Variants in ERC1 observed in about 807,000 individuals in gnomAD.
ERC1 encodes the protein RAB6 interacting protein 2.
A neutral mutation model predicts 132.0 loss-of-function variants in ERC1; 56 were observed. The ratio of observed to expected loss-of-function variants is 0.42; its 90% CI spans 0.34 to 0.53. ERC1 has a LOEUF of 0.53. ERC1 is among the 20% of genes least tolerant of loss of function. The pLI is 0.03. For synonymous variants in ERC1, 478 were observed against 476.1 expected (o/e 1.00, Z -0.05); for missense variants, 1,202 against 1,349.9 (o/e 0.89, Z 1.72).
At chr12:1,012,044 A>G (rs1321551435) in intron 1 of ERC1, among the ~76,000 whole-genome samples, 1 of 152,208 alleles carries the variant, frequency 6.6e-6, no homozygotes, top group Non-Finnish European at 1.5e-5. Flanking sequence ...ATGTTAAGTC[A>G]TAAAGATTTC....
At chr12:1,208,342 A>T (rs1957529590) in intron 12 of ERC1, among the ~76,000 whole-genome samples, 1 of 121,444 alleles carries the variant, frequency 8.2e-6, no homozygotes, top group Non-Finnish European at 1.7e-5. Flanking sequence ...TTAAAACATT[A>T]TCAGCTTTTT....
At chr12:1,247,333 G>A (rs1055913264) in intron 13 of ERC1, among the ~76,000 whole-genome samples, 1 of 152,186 alleles carries the variant, frequency 6.6e-6, no homozygotes, top group South Asian at 2.1e-4. Context: ...TTGGTAAATA[G>A]CATTGTACCA....
intron 1 of ERC1, among the ~76,000 whole-genome samples, chr12:1,018,980 A>G (rs899961542): frequency 3.3e-5 from 5 of 152,230 alleles, no homozygotes; most frequent in African/African-American, 1.2e-4. Flanking sequence ...CATGGAAACC[A>G]GAGACAGCTT....
chr12:1,413,397 C>T (rs746328581), intron 17 of ERC1, among the ~76,000 whole-genome samples: 2 of 152,170 alleles, frequency 1.3e-5, no homozygotes, highest in Non-Finnish European at 2.9e-5. Context: ...AGTTTGAGAC[C>T]AGGCTGGCCA....
At chr12:1,158,110 GTTACT>G (rs1296591322) in intron 8 of ERC1, among the ~76,000 whole-genome samples, 3 of 152,140 alleles carry the variant, frequency 2.0e-5, no homozygotes, top group Non-Finnish European at 4.4e-5. Flanking sequence ...GTGATTATCT[GTTACT>G]TTAAACAATA....
intron 12 of ERC1, among the ~76,000 whole-genome samples, chr12:1,226,038 A>C: frequency 6.6e-6 from 1 of 152,262 alleles, no homozygotes; most frequent in East Asian, 1.9e-4. Flanking sequence ...GATTGTTAAA[A>C]TGAGAAATAA....
At chr12:1,194,408 G>A (rs760289431) in intron 12 of ERC1, among the ~76,000 whole-genome samples, 6 of 152,172 alleles carry the variant, frequency 3.9e-5, no homozygotes, top group Non-Finnish European at 8.8e-5. Flanking sequence ...GTGACAGAGC[G>A]AGACTCTGTC....
intron 7 of ERC1, among the ~76,000 whole-genome samples, chr12:1,127,458 AG>A (rs1948317671): frequency 6.6e-6 from 1 of 152,130 alleles, no homozygotes; most frequent in African/African-American, 2.4e-5. Context: ...AAAAGTCAAA[AG>A]CAGTGATGCA....
chr12:1,175,526 A>G (rs1164236844), intron 8 of ERC1, among the ~76,000 whole-genome samples: 1 of 148,204 alleles, frequency 6.7e-6, no homozygotes, highest in Non-Finnish European at 1.5e-5. Context: ...GCAGCTCCAC[A>G]TCTGTTCAAT....
rs190546329 is a variant in ERC1 at position 1,405,821 on chromosome 12, C to T, written c.2926-2328C>T. On this transcript the variant is annotated intron_variant, in intron 16 of 18. Coordinates refer to ENST00000360905, the MANE Select transcript of ERC1 (RefSeq NM_178040.4). Reference sequence around the variant, plus strand: ...ATCCCAACTCTCTGAGAAGCCAAGACGGGGGGATCACTTAAGGCCAGGAGT... The same window carrying T: ...ATCCCAACTCTCTGAGAAGCCAAGATGGGGGGATCACTTAAGGCCAGGAGT... Among the ~76,000 whole-genome samples the T allele has an allele frequency of 1.1e-3, 167 of 152,172 alleles. 1 individual carries two copies. Among genetic ancestry groups the T allele is most frequent in the Admixed American group, 9.7e-3 (148 of 15,264 alleles).
chr12:1,076,972 C>A (rs931379028), intron 2 of ERC1, among the ~76,000 whole-genome samples: 1 of 152,176 alleles, frequency 6.6e-6, no homozygotes, highest in Non-Finnish European at 1.5e-5. Context: ...ACGGGAACAT[C>A]AGATAGCCCA....
chr12:1,150,613 A>G lies in ERC1; in HGVS notation c.1737+8826A>G, dbSNP rs141866660. 2.2e-4 allele frequency among the ~76,000 whole-genome samples: 33 copies of G among 152,316 alleles called. 1 individual carries two copies. In the East Asian group the frequency reaches 6.0e-3, roughly 28 times the overall value. On this transcript the variant is annotated intron_variant, in intron 8 of 18. Coordinates refer to ENST00000360905, the MANE Select transcript of ERC1 (RefSeq NM_178040.4). Reference sequence around the variant, plus strand: ...AAAAATAATTGGGTCATTGTTAACAATGATAAGTCATTTTGACAGTATGTG... The same window carrying G: ...AAAAATAATTGGGTCATTGTTAACAGTGATAAGTCATTTTGACAGTATGTG...
At position 1,180,301 on chromosome 12, in the gene ERC1, G is replaced by A. The variant is rs777705501; in HGVS notation, c.1738-239G>A. Among the ~76,000 whole-genome samples, 16 of 143,610 alleles carry A rather than the reference G, an allele frequency of 1.1e-4. No homozygotes were observed. In the South Asian group the frequency reaches 1.5e-3, roughly 13 times the overall value. The allele number at this position is 143,610 out of a possible 152,430, so 94.2% of individuals were successfully genotyped here. A position where few individuals can be genotyped will look rare whatever the true frequency, so the allele number is the denominator to read the frequency against. On this transcript the variant is annotated intron_variant, in intron 8 of 18. Coordinates refer to ENST00000360905, the MANE Select transcript of ERC1 (RefSeq NM_178040.4). Reference sequence around the variant, plus strand: ...TGTGTGTGCGCGCACGCGTGTGCGCGCGCGCATACACATGTGTACTTTTTT... The same window carrying A: ...TGTGTGTGCGCGCACGCGTGTGCGCACGCGCATACACATGTGTACTTTTTT...
At position 1,121,741 on chromosome 12, in the gene ERC1, A is replaced by C. The variant is rs1381566811; in HGVS notation, c.1569+5708A>C. ...TATCTCTATCTCTATCTCTATCTCTATCTATCTCTATCTCTATCTCTATCT... is the reference window on the plus strand; with the variant it reads ...TATCTCTATCTCTATCTCTATCTCTCTCTATCTCTATCTCTATCTCTATCT... On this transcript the variant is annotated intron_variant, in intron 7 of 18. Coordinates refer to ENST00000360905, the MANE Select transcript of ERC1 (RefSeq NM_178040.4). 3.9e-3 allele frequency among the ~76,000 whole-genome samples: 20 copies of C among 5,188 alleles called. 5 individuals are homozygous for C. Among genetic ancestry groups the C allele is most frequent in the African/African-American group, 6.7e-3 (19 of 2,842 alleles). The allele number at this position is 5,188 out of a possible 152,430, so 3.4% of individuals were successfully genotyped here.
At chr12:1,304,858 C>T (rs1287467409) in intron 15 of ERC1, among the ~76,000 whole-genome samples, 2 of 127,542 alleles carry the variant, frequency 1.6e-5, no homozygotes, top group African/African-American at 2.9e-5. Context: ...GGCGTGATCT[C>T]GGCTCACTGC....
chr12:1,109,716 C>T (rs529696117), intron 4 of ERC1, among the ~76,000 whole-genome samples: 2 of 152,312 alleles, frequency 1.3e-5, no homozygotes, highest in African/African-American at 4.8e-5. Context: ...ATGAGTGCTT[C>T]TCCTCCCACT....
chr12:1,459,464 GTGAATGAA>G (rs111639776), intron 18 of ERC1, among the ~76,000 whole-genome samples: 9 of 151,992 alleles, frequency 5.9e-5, no homozygotes, highest in South Asian at 2.1e-4. Context: ...GTATAAAGAA[GTGAATGAA>G]TGAATGAATG....
chr12:1,353,150 C>T (rs142241113), intron 15 of ERC1, among the ~76,000 whole-genome samples: 5,511 of 151,712 alleles, frequency 0.036, 368 homozygotes, highest in African/African-American at 0.13. Context: ...CCTGCCTCAG[C>T]CTCCCGAGTA....
At chr12:1,127,807 A>G (rs1593522813) in intron 7 of ERC1, among the ~76,000 whole-genome samples, 1 of 152,222 alleles carries the variant, frequency 6.6e-6, no homozygotes, top group East Asian at 1.9e-4. Flanking sequence ...ATGGAAAAAG[A>G]GGAAAACAAA....
Sources: gnomAD v4.1 joint callset for allele counts (sites outside exome capture counted in the v4.1 genomes callset) on GRCh38, gnomAD v4.1.1 for gene constraint, MANE v1.5 for transcripts, NCBI Gene and HGNC (gene_info 2026-07-23, HGNC 2026-07-21) for gene names.